The following ANO8 variants were observed in gnomAD, a reference collection of about 807,000 sequenced individuals.
ANO8 encodes anoctamin-8.
Under a neutral mutation model 120.4 loss-of-function variants are expected in ANO8, and 67 were observed. The ratio of observed to expected loss-of-function variants is 0.56; its 90% CI spans 0.46 to 0.68. The LOEUF is 0.68. ANO8 is among the 30% of genes least tolerant of loss of function. ANO8 has a pLI of 0.00. For missense variants in ANO8, 1,526 were observed against 1,737.6 expected (o/e 0.88, Z 2.16); for synonymous variants, 727 against 759.2 (o/e 0.96, Z 0.70).
chr19:17,325,005 T>C lies in ANO8; in HGVS notation c.3043A>G (p.Thr1015Ala). Reference sequence around the variant, plus strand: ...GCAGGCAGGCGGGTGTCGCTGCCTGTGGGTGACTGGGCAGGGGGAGGCCGG... The same window carrying C: ...GCAGGCAGGCGGGTGTCGCTGCCTGCGGGTGACTGGGCAGGGGGAGGCCGG... Reference protein sequence around the residue: ...TTRPPPAQSPTGSDTRLPAFL... With the variant: ...TTRPPPAQSPAGSDTRLPAFL... The change falls in exon 17 of 18, where the codon ACA becomes GCA. Residue 1015 changes from threonine (T) to alanine (A), a missense_variant. Physicochemically the swap from Thr to Ala is moderately conservative, Grantham distance 58. This residue lies in a region of ANO8 where 489 missense variants were observed against 548.6 expected (regional missense o/e 0.89). Transcript: ENST00000159087. The C allele has an allele frequency of 6.2e-7, 1 of 1,612,942 alleles. No individual in the cohort carries two copies. The highest frequency in any genetic ancestry group is 1.7e-5 in the Admixed American group (1 of 60,016).
At chr19:17,331,958 C>T (rs562507881) in intron 5 of ANO8, among the ~76,000 whole-genome samples, 8 of 41,546 alleles carry the variant, frequency 1.9e-4, no homozygotes, top group African/African-American at 1.7e-4. Context: ...TTTTTTTAGA[C>T]GGGGTCTAGC....
rs1290152887 is a variant in ANO8 at position 17,333,073 on chromosome 19, G to A, written c.489+28C>T. 1 of 1,613,804 alleles carries A rather than the reference G, an allele frequency of 6.2e-7. No homozygotes were observed. Among genetic ancestry groups the A allele is most frequent in the Non-Finnish European group, 8.5e-7 (1 of 1,179,828 alleles). ...CTCAGGGAACTCATAGGCACAGGAT[G>A]CATGCGGGGGCCCAGAGCCGGCCTC... On this transcript the variant is annotated intron_variant, in intron 4 of 17. Coordinates refer to ENST00000159087, the MANE Select transcript of ANO8 (RefSeq NM_020959.3). This position sits in a 1 kb window ranked among gnomAD's most constrained non-coding sequence, Gnocchi z 7.2.
At chr19:17,329,674 C>T (rs1237747019) in intron 12 of ANO8, 83 bp downstream of exon 12, 1 of 1,058,216 alleles carries the variant, frequency 9.4e-7, no homozygotes, top group Non-Finnish European at 1.4e-6. Context: ...GGCTGGAGAG[C>T]CCTTGGACCC....
intron 1 of ANO8, 105 bp downstream of exon 1, chr19:17,334,460 G>A (rs1391878555): frequency 1.9e-6 from 2 of 1,068,284 alleles, no homozygotes; most frequent in African/African-American, 1.7e-5. Context: ...CCCTCGTCCA[G>A]ACACCACGCC....
In ANO8 at chr19:17,325,252, G is replaced by A. The variant is rs191737632; in HGVS notation, c.2796C>T (p.Ala932=). Residue 932 remains alanine, a synonymous_variant, in exon 17 of 18, where the codon GCC becomes GCT. Coordinates refer to ENST00000159087, the MANE Select transcript of ANO8 (RefSeq NM_020959.3). ...TGGCAGGGTCCAGCCCAGAGCCCTC[G>A]GCCCTCGCCTCCTCTCGGCCACCAG... ...HDSGGREEAR[A]EGSGLDPATS... is the part of the protein sequence containing the mutation. 26 of 1,609,690 alleles carry A rather than the reference G, an allele frequency of 1.6e-5. No homozygotes were observed. The highest frequency in any genetic ancestry group is 8.9e-5 in the East Asian group (4 of 44,868).
chr19:17,330,402 C>G lies in ANO8; in HGVS notation c.1096G>C (p.Ala366Pro). The G allele has an allele frequency of 6.3e-7, 1 of 1,582,340 alleles. No homozygotes were observed. Residue 366 changes from alanine to proline, a missense_variant, in exon 9 of 18, where the codon GCG (alanine) becomes CCG (proline). Coordinates refer to ENST00000159087, the MANE Select transcript of ANO8 (RefSeq NM_020959.3). ...QLLVSLPLCLACLVCVFLLML... is the reference protein window; with the variant it reads ...QLLVSLPLCLPCLVCVFLLML... ...AGCAAGAAGACACAGACGAGGCACGCCAGGCACAGGGGGAGGCTCACAAGC... is the reference window on the plus strand; with the variant it reads ...AGCAAGAAGACACAGACGAGGCACGGCAGGCACAGGGGGAGGCTCACAAGC...
At chr19:17,326,121 T>G (rs960658268) in intron 16 of ANO8, among the ~76,000 whole-genome samples, 8 of 152,186 alleles carry the variant, frequency 5.3e-5, no homozygotes, top group African/African-American at 1.9e-4. Flanking sequence ...TCCCCGGCTG[T>G]GTGCCAGACA....
rs752824903 is a variant in ANO8, at chr19:17,324,742, G to A, written c.3306C>T (p.Ala1102=). ...VDEALAEELE[A]PRPEEEGSGT... is the part of the protein sequence containing the mutation. Reference sequence around the variant, plus strand: ...CTGAGCCTTCCTCTTCGGGCCGGGGGGCTTCCAGCTCCTCAGCCAGGGCCT... The same window carrying A: ...CTGAGCCTTCCTCTTCGGGCCGGGGAGCTTCCAGCTCCTCAGCCAGGGCCT... Residue 1102 remains alanine, a synonymous_variant, in exon 17 of 18, where the codon GCC becomes GCT. Coordinates refer to ENST00000159087, the MANE Select transcript of ANO8 (RefSeq NM_020959.3). The A allele has an allele frequency of 4.6e-6, 7 of 1,529,380 alleles. No homozygotes were observed. Among genetic ancestry groups the A allele is most frequent in the Non-Finnish European group, 6.1e-6 (7 of 1,141,720 alleles). 94.7% of individuals were successfully genotyped at this position (1,529,380 alleles called of 1,614,324 possible).
intron 5 of ANO8, among the ~76,000 whole-genome samples, chr19:17,332,228 C>T (rs922134650): frequency 2.7e-5 from 4 of 146,570 alleles, no homozygotes; most frequent in Non-Finnish European, 6.0e-5. Flanking sequence ...AGCCACCGCG[C>T]CCGGCCTTAT....
Position 17,328,891 on chromosome 19 carries a change from C to A in ANO8, c.1497G>T (p.Glu499Asp), listed in dbSNP as rs1229024991. The A allele has an allele frequency of 6.6e-7, 1 of 1,504,002 alleles. No homozygotes were observed. The highest frequency in any genetic ancestry group is 8.8e-7 in the Non-Finnish European group (1 of 1,130,350). 93.2% of individuals were successfully genotyped at this position (1,504,002 alleles called of 1,614,324 possible). Residue 499 changes from glutamate (E) to aspartate (D), a missense_variant, in exon 13 of 18, where the codon GAG becomes GAT. Glu to Asp is a conservative substitution (Grantham distance 45). This residue lies in a region of ANO8 where 467 missense variants were observed against 425.8 expected (regional missense o/e 1.10). Coordinates refer to ENST00000159087, the MANE Select transcript of ANO8 (RefSeq NM_020959.3). ...GCTCCCAGACGGCCCGCAGGCCCAG[C>A]TCGCCGCGGCCCAGGCGCCGGTACA... Reference protein sequence around the residue: ...PHLYRRLGRGELGLRAVWELA... With the variant: ...PHLYRRLGRGDLGLRAVWELA...
intron 5 of ANO8, among the ~76,000 whole-genome samples, chr19:17,332,245 C>CTTTA (rs1376543045): frequency 1.3e-5 from 1 of 76,988 alleles, no homozygotes; most frequent in Non-Finnish European, 2.7e-5. Flanking sequence ...TTATTTTTTA[C>CTTTA]TTTATTTATT....
chr19:17,330,329 C>A, intron 9 of ANO8, 23 bp downstream of exon 9: 2 of 1,608,972 alleles, frequency 1.2e-6, no homozygotes, highest in Non-Finnish European at 1.7e-6. Context: ...AAGGACAGGG[C>A]GGGTGAGGGT....
At position 17,328,921 on chromosome 19, in the gene ANO8, C is replaced by G. The variant is rs1413767149; in HGVS notation, c.1467G>C (p.Pro489=). ...CGCGGCCCAGGCGCCGGTACAGGTGCGGCTGCAGGACCTCGCGCACGTTCT... is the reference window on the plus strand; with the variant it reads ...CGCGGCCCAGGCGCCGGTACAGGTGGGGCTGCAGGACCTCGCGCACGTTCT... The part of the protein sequence containing the change: ...FLQNVREVLQ[P]HLYRRLGRGE... The change falls in exon 13 of 18, where the codon CCG becomes CCC. Residue 489 remains proline, a synonymous_variant. Coordinates refer to ENST00000159087, the MANE Select transcript of ANO8 (RefSeq NM_020959.3). The G allele has an allele frequency of 3.3e-6, 5 of 1,512,478 alleles. No homozygotes were observed. Among genetic ancestry groups the G allele is most frequent in the African/African-American group, 2.9e-5 (2 of 69,358 alleles). 93.7% of individuals were successfully genotyped at this position (1,512,478 alleles called of 1,614,324 possible).
In ANO8 at chr19:17,327,305, A is replaced by T; in HGVS notation, c.2591T>A (p.Ile864Asn). The change falls in exon 16 of 18, where the codon ATC (isoleucine) becomes AAC (asparagine). Residue 864 changes from isoleucine to asparagine, a missense_variant. By Grantham distance (149) the Ile-to-Asn change is moderately radical (BLOSUM62 -3). Transcript: ENST00000159087. The stretch of plus-strand genomic sequence containing the variant: ...GGCCACCCAGCCCGGGATATCGGGG[A>T]TGGCCACGTGGATGAGGTACTTGAG... ...LLLKYLIHVA[I>N]PDIPGWVAEE... The T allele has an allele frequency of 6.5e-7, 1 of 1,549,696 alleles. No homozygotes were observed. The highest frequency in any genetic ancestry group is 8.7e-7 in the Non-Finnish European group (1 of 1,146,780).
At position 17,328,527 on chromosome 19, in the gene ANO8, C is replaced by G. The variant is rs1306977315; in HGVS notation, c.1861G>C (p.Glu621Gln). The G allele has an allele frequency of 1.3e-6, 2 of 1,550,972 alleles. No individual in the cohort carries two copies. The highest frequency in any genetic ancestry group is 8.7e-7 in the Non-Finnish European group (1 of 1,149,006). The change falls in exon 13 of 18, where the codon GAG (glutamate) becomes CAG (glutamine). Residue 621 changes from glutamate to glutamine, a missense_variant. This residue lies in a region of ANO8 where 467 missense variants were observed against 425.8 expected (regional missense o/e 1.10). Coordinates refer to ENST00000159087, the MANE Select transcript of ANO8 (RefSeq NM_020959.3). ...GLRLKKVSFA[E>Q]RGAGRRRPGP... ...GGCCGACGCCGCCCCGCGCCGCGCTCAGCGAAGCTGACCTTCTTCAGCCGG... is the reference window on the plus strand; with the variant it reads ...GGCCGACGCCGCCCCGCGCCGCGCTGAGCGAAGCTGACCTTCTTCAGCCGG...
rs1365651696 is a variant in ANO8, at chr19:17,333,694, G to A, written c.213C>T (p.Phe71=). Residue 71 remains phenylalanine (F), a synonymous_variant, in exon 2 of 18, where the codon TTC becomes TTT. Transcript: ENST00000159087. This position sits in a 1 kb window ranked among gnomAD's most constrained non-coding sequence, Gnocchi z 7.2. ...PTENCDVLMT[F]PDTTDDHTLL... ...CGGGCGGGCGGGCTTGGGTACCTGG[G>A]AAGGTCATCAGCACGTCGCAGTTCT... The A allele has an allele frequency of 6.3e-7, 1 of 1,594,522 alleles. No homozygotes were observed. Among genetic ancestry groups the A allele is most frequent in the Admixed American group, 1.7e-5 (1 of 57,810 alleles).
rs752506666 is a variant in ANO8 at position 17,333,450 on chromosome 19, C to A, written c.322G>T (p.Ala108Ser). 2.5e-6 allele frequency: 4 copies of A among 1,613,638 alleles called. No homozygotes were observed. Among genetic ancestry groups the A allele is most frequent in the Non-Finnish European group, 2.5e-6 (3 of 1,180,002 alleles). ...VRHHRHTRAY[A>S]FFVTATYESL... Reference sequence around the variant, plus strand: ...TCATACGTGGCGGTGACAAAGAAGGCGTAGGCACGCGTGTGGCGGTGGTGG... The same window carrying A: ...TCATACGTGGCGGTGACAAAGAAGGAGTAGGCACGCGTGTGGCGGTGGTGG... Residue 108 changes from alanine (A) to serine (S), a missense_variant, in exon 3 of 18, where the codon GCC (alanine) becomes TCC (serine). Ala to Ser is a moderately conservative substitution (Grantham distance 99). Around this residue, in one of 8 missense-constraint regions of ANO8, gnomAD observed 322 missense variants for 431.8 expected, o/e 0.75. Coordinates refer to ENST00000159087, the MANE Select transcript of ANO8 (RefSeq NM_020959.3). The surrounding 1 kb of genome is among the most constrained non-coding windows in gnomAD (Gnocchi z 7.2).
At position 17,325,207 on chromosome 19, in the gene ANO8, A is replaced by G. The variant is rs1330679126; in HGVS notation, c.2841T>C (p.Ser947=). 6.2e-7 allele frequency: 1 copy of G among 1,612,590 alleles called. No homozygotes were observed. The highest frequency in any genetic ancestry group is 2.2e-5 in the East Asian group (1 of 44,872). ...LDPATSSEKA[S]AKAKGSTAGG... ...CCGCAGTGCTGCCCTTGGCCTTGGC[A>G]GAGGCCTTCTCGGAGGAGGTGGCAG... The change falls in exon 17 of 18, where the codon TCT becomes TCC. Residue 947 remains serine, a synonymous_variant. Transcript: ENST00000159087.
rs1281307435 is a variant in ANO8 at position 17,327,796 on chromosome 19, A to G, written c.2311T>C (p.Cys771Arg). ...TCAATGAGGTTGTTGACCAGGGCGC[A>G]CAGCGCCGCCAGGGGGAAGGCGGAC... ...FSSAFPLAAL[C>R]ALVNNLIEIR... Residue 771 changes from cysteine (C) to arginine (R), a missense_variant, in exon 14 of 18, where the codon TGC becomes CGC. Around this residue, in one of 8 missense-constraint regions of ANO8, gnomAD observed 77 missense variants for 131.5 expected, o/e 0.59. Coordinates refer to ENST00000159087, the MANE Select transcript of ANO8 (RefSeq NM_020959.3). 6.2e-7 allele frequency: 1 copy of G among 1,614,086 alleles called. No individual in the cohort carries two copies. The highest frequency in any genetic ancestry group is 8.5e-7 in the Non-Finnish European group (1 of 1,180,014).
Sources: gnomAD v4.1 joint callset for allele counts (sites outside exome capture counted in the v4.1 genomes callset) on GRCh38, gnomAD v4.1.1 for gene constraint, gnomAD v4.1.1 regional missense constraint, Gnocchi (gnomAD v3.1) non-coding constraint, MANE v1.5 for transcripts, NCBI Gene and HGNC (gene_info 2026-07-23, HGNC 2026-07-21) for gene names.